Variants in GPC5 observed in about 807,000 individuals in gnomAD.
The protein encoded by GPC5 is glypican-5.
Under a neutral mutation model 53.9 loss-of-function variants are expected in GPC5, and 47 were observed. That is an observed-to-expected ratio of 0.87 (90% confidence interval 0.69 to 1.11). GPC5 has a LOEUF of 1.11. Among genes scored for constraint, GPC5 ranks in the 50% most tolerant of loss-of-function variants. GPC5 has a pLI of 0.00. For missense variants in GPC5, 748 were observed against 713.1 expected (o/e 1.05, Z -0.56); for synonymous variants, 286 against 263.3 (o/e 1.09, Z -0.84).
chr13:91,455,431 G>A (rs555478159), intron 2 of GPC5, among the ~76,000 whole-genome samples: 1 of 152,168 alleles, frequency 6.6e-6, no homozygotes, highest in South Asian at 2.1e-4. Flanking sequence ...TTTTCTAAAT[G>A]TGTGGTCCTC....
At chr13:92,264,828 T>C (rs572487878) in intron 7 of GPC5, among the ~76,000 whole-genome samples, 1 of 152,094 alleles carries the variant, frequency 6.6e-6, no homozygotes, top group South Asian at 2.1e-4. Flanking sequence ...ATTGAAACTT[T>C]TTTTTGTGTC....
chr13:92,062,621 G>T (rs1289577253), intron 6 of GPC5, among the ~76,000 whole-genome samples: 2 of 151,892 alleles, frequency 1.3e-5, no homozygotes, highest in African/African-American at 2.4e-5. Context: ...ATGCATAATG[G>T]CAGTAAATGT....
At chr13:92,700,953 G>A (rs1237004824) in intron 7 of GPC5, among the ~76,000 whole-genome samples, 1 of 152,032 alleles carries the variant, frequency 6.6e-6, no homozygotes, top group Non-Finnish European at 1.5e-5. Context: ...TCTGGGTTTT[G>A]TGTTAGTTTC....
intron 6 of GPC5, among the ~76,000 whole-genome samples, chr13:92,097,563 G>A (rs553890198): frequency 6.6e-5 from 10 of 152,244 alleles, no homozygotes; most frequent in African/African-American, 2.4e-4. Flanking sequence ...TCATCTCAGC[G>A]GAAACTAAAA....
intron 7 of GPC5, among the ~76,000 whole-genome samples, chr13:92,852,979 G>A (rs1878864844): frequency 6.6e-6 from 1 of 152,150 alleles, no homozygotes. Context: ...GATCACACTT[G>A]TCTAACAATT....
intron 7 of GPC5, among the ~76,000 whole-genome samples, chr13:92,293,644 C>T (rs888731388): frequency 9.2e-5 from 14 of 151,874 alleles, no homozygotes; most frequent in Non-Finnish European, 1.8e-4. Context: ...CAGCAAACAG[C>T]GACACTTTGA....
chr13:92,316,396 C>A (rs1302413730), intron 7 of GPC5, among the ~76,000 whole-genome samples: 2 of 152,072 alleles, frequency 1.3e-5, no homozygotes, highest in Non-Finnish European at 2.9e-5. Flanking sequence ...GCATCAATTT[C>A]TTTAGCTTCT....
chr13:92,003,328 A>C (rs1366896262), intron 6 of GPC5, among the ~76,000 whole-genome samples: 12 of 144,096 alleles, frequency 8.3e-5, no homozygotes, highest in South Asian at 2.2e-4. Flanking sequence ...CTTAACACAA[A>C]AAAAAAAAAA....
intron 7 of GPC5, among the ~76,000 whole-genome samples, chr13:92,754,367 G>A (rs1408422674): frequency 6.6e-6 from 1 of 152,152 alleles, no homozygotes; most frequent in Non-Finnish European, 1.5e-5. Context: ...ACCAACTACT[G>A]CAAAATCATG....
intron 7 of GPC5, among the ~76,000 whole-genome samples, chr13:92,576,759 A>C (rs750800635): frequency 1.3e-5 from 2 of 152,188 alleles, no homozygotes; most frequent in Non-Finnish European, 2.9e-5. Flanking sequence ...AAAACTTCTC[A>C]GACAGTTCCA....
At chr13:91,906,522 TC>T (rs1471460312) in intron 5 of GPC5, among the ~76,000 whole-genome samples, 1 of 152,084 alleles carries the variant, frequency 6.6e-6, no homozygotes, top group Non-Finnish European at 1.5e-5. Flanking sequence ...ATTGCTGAAA[TC>T]TATGGTTTTT....
At chr13:92,329,641 A>G (rs1290901752) in intron 7 of GPC5, among the ~76,000 whole-genome samples, 2 of 152,154 alleles carry the variant, frequency 1.3e-5, no homozygotes, top group African/African-American at 4.8e-5. Context: ...CAAAATTCAA[A>G]TAGTATAAAA....
At chr13:92,013,890 TA>T (rs1210852868) in intron 6 of GPC5, among the ~76,000 whole-genome samples, 15 of 152,328 alleles carry the variant, frequency 9.8e-5, no homozygotes, top group Non-Finnish European at 1.6e-4. Context: ...AAATCAAAAT[TA>T]AAACATGATA....
chr13:92,391,851 T>C (rs1202338649), intron 7 of GPC5, among the ~76,000 whole-genome samples: 4 of 152,132 alleles, frequency 2.6e-5, no homozygotes, highest in Non-Finnish European at 2.9e-5. Context: ...TCTGGAAAGA[T>C]GTAGGTCAGA....
intron 1 of GPC5, among the ~76,000 whole-genome samples, chr13:91,426,345 G>T (rs1433198592): frequency 6.6e-6 from 1 of 152,128 alleles, no homozygotes; most frequent in Non-Finnish European, 1.5e-5. Flanking sequence ...ATCAGGACTT[G>T]GTGCCCCTGC....
At chr13:92,006,733 G>C (rs1250899257) in intron 6 of GPC5, among the ~76,000 whole-genome samples, 1 of 152,092 alleles carries the variant, frequency 6.6e-6, no homozygotes, top group African/African-American at 2.4e-5. Flanking sequence ...TTATGAAAAT[G>C]AAGAGAGAGA....
chr13:92,462,430 C>T (rs772533465), intron 7 of GPC5, among the ~76,000 whole-genome samples: 2 of 152,074 alleles, frequency 1.3e-5, no homozygotes, highest in Admixed American at 6.6e-5. Flanking sequence ...GTGAGTCCCA[C>T]GTTTTGGCTT....
intron 6 of GPC5, among the ~76,000 whole-genome samples, chr13:92,053,924 C>T (rs1398177021): frequency 1.3e-5 from 2 of 151,450 alleles, no homozygotes; most frequent in East Asian, 1.9e-4. Flanking sequence ...CCCAGCTCCT[C>T]GGGAGGCTGA....
intron 6 of GPC5, among the ~76,000 whole-genome samples, chr13:91,980,719 A>G (rs1566376325): frequency 2.0e-5 from 3 of 152,218 alleles, no homozygotes; most frequent in Non-Finnish European, 4.4e-5. Flanking sequence ...TATCCATCCA[A>G]GTAACCAGCA....
Sources: gnomAD v4.1 joint callset for allele counts (sites outside exome capture counted in the v4.1 genomes callset) on GRCh38, gnomAD v4.1.1 for gene constraint, MANE v1.5 for transcripts, NCBI Gene and HGNC (gene_info 2026-07-23, HGNC 2026-07-21) for gene names.